The following DUSP8 variants were observed in gnomAD, a reference collection of about 807,000 sequenced individuals.
The protein encoded by DUSP8 is dual specificity protein phosphatase 8.
A neutral mutation model predicts 38.7 loss-of-function variants in DUSP8; 15 were observed. The observed-to-expected ratio is 0.39, with a 90% CI of 0.26 to 0.60. DUSP8 has a LOEUF of 0.60. DUSP8 is among the 20% of genes least tolerant of loss of function. DUSP8 has a pLI of 0.56. For synonymous variants in DUSP8, 458 were observed against 433.9 expected, an observed-to-expected ratio of 1.06 and a Z score of -0.69; for missense variants, 768 against 915.0, an observed-to-expected ratio of 0.84 and a Z score of 2.07.
In DUSP8 at chr11:1,556,898, C is replaced by A; in HGVS notation, c.1498G>T (p.Gly500Cys). 1 of 1,088,168 alleles carries A rather than the reference C, an allele frequency of 9.2e-7. No homozygotes were observed. Among genetic ancestry groups the A allele is most frequent in the Non-Finnish European group, 1.1e-6 (1 of 897,908 alleles). 67.4% of individuals were successfully genotyped at this position (1,088,168 alleles called of 1,614,324 possible). ...CAGGCCCCGGGGCCGGCCGGCTGGC[C>A]AGGGCCGGGCAGCCCGGGCGCCGAC... ...ALSAPGLPGP[G>C]QPAGPGAWAP... is the part of the protein sequence containing the mutation. Residue 500 changes from glycine to cysteine, a missense_variant, in exon 7 of 7, where the codon GGC becomes TGC. Physicochemically the swap from Gly to Cys is radical, Grantham distance 159. Around this residue, in one of 3 missense-constraint regions of DUSP8, gnomAD observed 474 missense variants for 430.8 expected, o/e 1.10. Coordinates refer to ENST00000397374, the MANE Select transcript of DUSP8 (RefSeq NM_004420.3). This position sits in a 1 kb window ranked among gnomAD's most constrained non-coding sequence, Gnocchi z 5.2.
rs766200658 is a variant in DUSP8 at position 1,563,920 on chromosome 11, C to T, written c.301G>A (p.Ala101Thr). The T allele has an allele frequency of 1.9e-5, 30 of 1,547,402 alleles. No individual in the cohort carries two copies. Among genetic ancestry groups the T allele is most frequent in the East Asian group, 2.4e-5 (1 of 40,836 alleles). ...AGCAGGATGGAGAGGAAGCTGTCTG[C>T]GGCCAGCACGCTGGCGTCCCGCGTG... ...QSTRDASVLA[A>T]DSFLSILLSK... is the part of the protein sequence containing the mutation. The change falls in exon 3 of 7, where the codon GCA becomes ACA. Residue 101 changes from alanine (A) to threonine (T), a missense_variant. This residue lies in a region of DUSP8 where 252 missense variants were observed against 410.4 expected (regional missense o/e 0.61). Transcript: ENST00000397374.
intron 2 of DUSP8, among the ~76,000 whole-genome samples, chr11:1,565,122 T>G (rs1482328951): frequency 6.6e-6 from 1 of 152,150 alleles, no homozygotes; most frequent in Non-Finnish European, 1.5e-5. Context: ...GACGGGGACA[T>G]GGACTGCTCA....
Position 1,557,634 on chromosome 11 carries a change from A to G in DUSP8, c.822-60T>C. 1 of 1,507,456 alleles carries G rather than the reference A, an allele frequency of 6.6e-7. No homozygotes were observed. The highest frequency in any genetic ancestry group is 8.8e-7 in the Non-Finnish European group (1 of 1,130,812). The allele number at this position is 1,507,456 out of a possible 1,614,324, so 93.4% of individuals were successfully genotyped here. On this transcript the variant is annotated intron_variant, in intron 6 of 6. Coordinates refer to ENST00000397374, the MANE Select transcript of DUSP8 (RefSeq NM_004420.3). This position sits in a 1 kb window ranked among gnomAD's most constrained non-coding sequence, Gnocchi z 9.9. ...CGGGGCCAGGCTGCCCACCTGACGC[A>G]CCCGCTGGGCACCCACGAGCTCATG...
intron 1 of DUSP8, among the ~76,000 whole-genome samples, chr11:1,566,137 T>G (rs1375953910): frequency 6.6e-6 from 1 of 151,984 alleles, no homozygotes; most frequent in Non-Finnish European, 1.5e-5. Flanking sequence ...GGGGGGCAAA[T>G]GGGCCCCACA....
Position 1,572,124 on chromosome 11 carries a change from G to A in DUSP8, c.-332C>T, listed in dbSNP as rs1317150517. 6.9e-6 allele frequency among the ~76,000 whole-genome samples: 1 copy of A among 145,538 alleles called. No homozygotes were observed. Among genetic ancestry groups the A allele is most frequent in the Non-Finnish European group, 1.5e-5 (1 of 65,652 alleles). On this transcript the variant is annotated 5_prime_UTR_variant, in exon 1 of 7. Transcript: ENST00000397374. The surrounding 1 kb of genome is among the most constrained non-coding windows in gnomAD (Gnocchi z 4.7). Reference sequence around the variant, plus strand: ...ACTGCGGGCGGGCACGCGCGCTCGCGGCGCGCATCCCAGCCCCGCGGCTCG... The same window carrying A: ...ACTGCGGGCGGGCACGCGCGCTCGCAGCGCGCATCCCAGCCCCGCGGCTCG...
chr11:1,566,344 A>C (rs900266396), intron 1 of DUSP8, among the ~76,000 whole-genome samples: 3 of 152,072 alleles, frequency 2.0e-5, no homozygotes, highest in Admixed American at 6.5e-5. Flanking sequence ...CCACATGGTC[A>C]AGCTCTCTGC....
intron 3 of DUSP8, among the ~76,000 whole-genome samples, chr11:1,560,137 C>A (rs1467502085): frequency 1.3e-5 from 2 of 152,154 alleles, no homozygotes; most frequent in African/African-American, 2.4e-5. Flanking sequence ...CCCGAGGACA[C>A]CTTCCAGAAC....
intron 3 of DUSP8, among the ~76,000 whole-genome samples, chr11:1,561,371 C>T (rs1294962088): frequency 3.3e-5 from 5 of 152,216 alleles, no homozygotes; most frequent in Admixed American, 2.0e-4. Context: ...GCGCTTATGG[C>T]CACAGTCACA....
chr11:1,555,170 T>C lies in DUSP8; in HGVS notation c.*1348A>G. On this transcript the variant is annotated 3_prime_UTR_variant, in exon 7 of 7. Transcript: ENST00000397374. ...GGGGTCCCAATGGCCCGAGGGGGTA[T>C]GGGGCAGGGGCAGCAGGCTGACCCA... The C allele has an allele frequency of 1.2e-5, 12 of 987,834 alleles. No individual in the cohort carries two copies. The highest frequency in any genetic ancestry group is 1.4e-5 in the Non-Finnish European group (12 of 830,192). The allele number at this position is 987,834 out of a possible 1,614,324, so 61.2% of individuals were successfully genotyped here. A position where few individuals can be genotyped will look rare whatever the true frequency, so the allele number is the denominator to read the frequency against.
chr11:1,569,855 A>C (rs1052982650), intron 1 of DUSP8, among the ~76,000 whole-genome samples: 2 of 152,146 alleles, frequency 1.3e-5, no homozygotes, highest in African/African-American at 4.8e-5. Flanking sequence ...ACTGTTACCC[A>C]GGGATGCTTC....
intron 1 of DUSP8, among the ~76,000 whole-genome samples, chr11:1,569,315 G>A (rs140460449): frequency 8.0e-4 from 122 of 152,124 alleles, no homozygotes; most frequent in South Asian, 5.0e-3. Flanking sequence ...GCACCAGGCC[G>A]CCACCCTCCC....
chr11:1,572,475 G>A (rs1394232725), upstream of DUSP8, among the ~76,000 whole-genome samples: 1 of 150,440 alleles, frequency 6.6e-6, no homozygotes, highest in Non-Finnish European at 1.5e-5. This position sits in a 1 kb window ranked among gnomAD's most constrained non-coding sequence, Gnocchi z 4.7. Context: ...CGCCGCCGCC[G>A]CCTTCCGCCC....
chr11:1,557,310 G>A lies in DUSP8; in HGVS notation c.1086C>T (p.Pro362=), dbSNP rs771396419. ...LSAGGEPPAP[P]TPPATSALQQ... is the part of the protein sequence containing the mutation. ...GCAGTGCGCTGGTCGCCGGGGGCGT[G>A]GGGGGCGCGGGGGGCTCCCCGCCCG... The change falls in exon 7 of 7, where the codon CCC becomes CCT. Residue 362 remains proline (P), a synonymous_variant. Coordinates refer to ENST00000397374, the MANE Select transcript of DUSP8 (RefSeq NM_004420.3). This position sits in a 1 kb window ranked among gnomAD's most constrained non-coding sequence, Gnocchi z 9.9. The A allele has an allele frequency of 6.8e-7, 1 of 1,475,702 alleles. No individual in the cohort carries two copies. The highest frequency in any genetic ancestry group is 1.3e-5 in the South Asian group (1 of 75,538). 91.4% of individuals were successfully genotyped at this position (1,475,702 alleles called of 1,614,324 possible).
At chr11:1,566,255 C>T (rs961013556) in intron 1 of DUSP8, among the ~76,000 whole-genome samples, 1 of 152,110 alleles carries the variant, frequency 6.6e-6, no homozygotes, top group Non-Finnish European at 1.5e-5. Flanking sequence ...GGGACACAGG[C>T]ATCTCCCTGC....
chr11:1,559,444 C>A, intron 3 of DUSP8: 1 of 216,644 alleles, frequency 4.6e-6, no homozygotes, highest in Non-Finnish European at 9.1e-6. Flanking sequence ...GTCACACAGC[C>A]CAGAGGAGAG....
chr11:1,554,600 G>GC lies in DUSP8; in HGVS notation c.*1917dup. The GC allele has an allele frequency of 3.1e-6, 3 of 983,058 alleles. No individual in the cohort carries two copies. Among genetic ancestry groups the GC allele is most frequent in the Non-Finnish European group, 2.4e-6 (2 of 825,736 alleles). The allele number at this position is 983,058 out of a possible 1,614,324, so 60.9% of individuals were successfully genotyped here. A position where few individuals can be genotyped will look rare whatever the true frequency, so the allele number is the denominator to read the frequency against. On this transcript the variant is annotated 3_prime_UTR_variant, in exon 7 of 7. Transcript: ENST00000397374. ...GAGCAGAGACAGACTGAGACAGACA[G>GC]CCCCCCTCAACGGCCTGCAGAAGGG...
chr11:1,554,987 G>C lies in DUSP8; in HGVS notation c.*1531C>G. On this transcript the variant is annotated 3_prime_UTR_variant, in exon 7 of 7. Coordinates refer to ENST00000397374, the MANE Select transcript of DUSP8 (RefSeq NM_004420.3). The stretch of plus-strand genomic sequence containing the variant: ...AAAAGAAGAACAAATAGAAGAAACA[G>C]CAGAGAGGGCGGCTGGCTGGGGCGG... 2 of 986,348 alleles carry C rather than the reference G, an allele frequency of 2.0e-6. No individual in the cohort carries two copies. Among genetic ancestry groups the C allele is most frequent in the Non-Finnish European group, 2.4e-6 (2 of 830,258 alleles). 61.1% of individuals were successfully genotyped at this position (986,348 alleles called of 1,614,324 possible).
rs1242562270 is a variant in DUSP8, at chr11:1,556,162, T to G, written c.*356A>C. The G allele has an allele frequency of 5.0e-6, 1 of 198,734 alleles. No homozygotes were observed. Among genetic ancestry groups the G allele is most frequent in the African/African-American group, 2.3e-5 (1 of 43,064 alleles). 12.3% of individuals were successfully genotyped at this position (198,734 alleles called of 1,614,324 possible). A position where few individuals can be genotyped will look rare whatever the true frequency, so the allele number is the denominator to read the frequency against. ...TTTTTCCTTTTTTTCACCTTTTTGT[T>G]ATGTAAAAAGTGCACGAAAGCTCGG... On this transcript the variant is annotated 3_prime_UTR_variant, in exon 7 of 7. Coordinates refer to ENST00000397374, the MANE Select transcript of DUSP8 (RefSeq NM_004420.3). The surrounding 1 kb of genome is among the most constrained non-coding windows in gnomAD (Gnocchi z 5.2).
In DUSP8 at chr11:1,556,478, G is replaced by C; in HGVS notation, c.*40C>G. The C allele has an allele frequency of 8.1e-7, 1 of 1,232,256 alleles. No homozygotes were observed. The highest frequency in any genetic ancestry group is 3.1e-4 in the Middle Eastern group (1 of 3,208). The allele number at this position is 1,232,256 out of a possible 1,614,324, so 76.3% of individuals were successfully genotyped here. On this transcript the variant is annotated 3_prime_UTR_variant, in exon 7 of 7. Transcript: ENST00000397374. The surrounding 1 kb of genome is among the most constrained non-coding windows in gnomAD (Gnocchi z 5.2). ...TTATATATAATATACATTTATAACG[G>C]GCCTGGCTGCGGGCGGCGGGGCCGA...
Sources: allele counts gnomAD v4.1 joint callset (sites outside exome capture counted in the v4.1 genomes callset), GRCh38; gene constraint gnomAD v4.1.1; regional missense constraint gnomAD v4.1.1; non-coding constraint Gnocchi (gnomAD v3.1); transcripts MANE v1.5; gene names NCBI Gene and HGNC (gene_info 2026-07-23, HGNC 2026-07-21).